The following HP1BP3 variants were observed in gnomAD, a reference collection of about 807,000 sequenced individuals.
The protein encoded by HP1BP3 is heterochromatin protein 1-binding protein 3.
HP1BP3 carries 12 observed loss-of-function variants against 62.5 expected under a neutral mutation model. That is an observed-to-expected ratio of 0.19 (90% CI 0.12 to 0.31). The LOEUF (loss-of-function observed/expected upper bound fraction) is 0.31, where lower values mean the gene tolerates loss of function less well. HP1BP3 is among the 10% of genes least tolerant of loss of function. HP1BP3 has a pLI of 1.00. For missense variants in HP1BP3, 502 were observed against 651.8 expected (o/e 0.77, Z 2.50); for synonymous variants, 260 against 237.8 (o/e 1.09, Z -0.86).
intron 6 of HP1BP3, among the ~76,000 whole-genome samples, chr1:20,770,403 C>A (rs2057003736): frequency 6.6e-6 from 1 of 152,150 alleles, no homozygotes; most frequent in Non-Finnish European, 1.5e-5. Context: ...ATAGCCTCAA[C>A]CTCCCAGGCT....
intron 11 of HP1BP3, among the ~76,000 whole-genome samples, chr1:20,746,119 G>A (rs1387646068): frequency 1.3e-5 from 2 of 151,562 alleles, no homozygotes; most frequent in Non-Finnish European, 2.9e-5. Context: ...ACTCTTTTTT[G>A]TCCTTGGTGG....
In HP1BP3 at chr1:20,746,186, A is replaced by ATATGTGTGTGTGTGTGTGTG. The variant is rs1286650893; in HGVS notation, c.1254-531_1254-530insCACACACACACACACACATA. 2.7e-3 allele frequency among the ~76,000 whole-genome samples: 385 copies of ATATGTGTGTGTGTGTGTGTG among 143,214 alleles called. 3 individuals are homozygous for ATATGTGTGTGTGTGTGTGTG. The highest frequency in any genetic ancestry group is 9.3e-3 in the African/African-American group (345 of 37,116). The allele number at this position is 143,214 out of a possible 152,430, so 94.0% of individuals were successfully genotyped here. On this transcript the variant is annotated intron_variant, in intron 11 of 12. Coordinates refer to ENST00000438032, the MANE Select transcript of HP1BP3 (RefSeq NM_001372052.1). ...CTTAAATGATAACATACATACATAT[A>ATATGTGTGTGTGTGTGTGTG]TGTGTGTGTGTGTGTGTGTGTGTGT...
At chr1:20,769,233 G>A (rs756845056) in intron 6 of HP1BP3, among the ~76,000 whole-genome samples, 12 of 152,112 alleles carry the variant, frequency 7.9e-5, no homozygotes, top group Admixed American at 7.9e-4. Context: ...GGGACTAGAG[G>A]CATGCACCCC....
chr1:20,754,233 A>G (rs932955642), intron 9 of HP1BP3, among the ~76,000 whole-genome samples: 3 of 152,248 alleles, frequency 2.0e-5, no homozygotes, highest in Admixed American at 6.5e-5. Context: ...AACGAAAATT[A>G]GAAAACACTT....
intron 1 of HP1BP3, among the ~76,000 whole-genome samples, chr1:20,783,662 C>T (rs749513088): frequency 2.0e-5 from 3 of 147,684 alleles, no homozygotes; most frequent in East Asian, 2.1e-4. Context: ...CCCAGCTACT[C>T]GGGAGGCTCA....
intron 1 of HP1BP3, 89 bp from the exon 2 acceptor site, chr1:20,780,629 A>G: frequency 1.8e-6 from 1 of 568,866 alleles, no homozygotes; most frequent in Admixed American, 3.0e-5. Flanking sequence ...AAAGGGAAAA[A>G]ATATAACTAT....
intron 4 of HP1BP3, chr1:20,776,078 A>G (rs2057294116): frequency 1.5e-6 from 2 of 1,313,938 alleles, no homozygotes; most frequent in Non-Finnish European, 2.0e-6. Flanking sequence ...ACACATCAAT[A>G]GCAAATTTTA....
intron 4 of HP1BP3, chr1:20,774,964 C>T (rs1321519144): frequency 1.3e-5 from 2 of 149,496 alleles, no homozygotes; most frequent in Non-Finnish European, 3.0e-5. Context: ...ACACTCCAAC[C>T]TGGGTGACAG....
At chr1:20,770,367 C>T (rs1446614525) in intron 6 of HP1BP3, among the ~76,000 whole-genome samples, 2 of 152,200 alleles carry the variant, frequency 1.3e-5, no homozygotes, top group African/African-American at 4.8e-5. Flanking sequence ...CTCACCGAGG[C>T]TGGAGTGGTG....
chr1:20,780,003 G>T, intron 2 of HP1BP3, 92 bp from the exon 3 acceptor site: 1 of 932,800 alleles, frequency 1.1e-6, no homozygotes, highest in Non-Finnish European at 1.6e-6. Context: ...AGATGTAGGA[G>T]AATTCTTCAA....
chr1:20,783,814 T>C (rs1452588697), intron 1 of HP1BP3, among the ~76,000 whole-genome samples: 3 of 149,680 alleles, frequency 2.0e-5, no homozygotes, highest in Admixed American at 6.6e-5. Flanking sequence ...GCCTCAGCTC[T>C]GCATTTCCTT....
At chr1:20,775,940 G>C in intron 4 of HP1BP3, 1 of 1,469,496 alleles carries the variant, frequency 6.8e-7, no homozygotes, top group Non-Finnish European at 9.0e-7. Flanking sequence ...CATGACTATA[G>C]TTAAAAGCAA....
intron 6 of HP1BP3, among the ~76,000 whole-genome samples, chr1:20,768,433 G>A (rs924947992): frequency 1.1e-4 from 16 of 152,102 alleles, no homozygotes; most frequent in Non-Finnish European, 2.1e-4. Flanking sequence ...GTGACAGAGC[G>A]ATACTCCGTC....
chr1:20,780,483 C>T lies in HP1BP3; in HGVS notation c.-43G>A. On this transcript the variant is annotated 5_prime_UTR_variant, in exon 2 of 13. Transcript: ENST00000438032. ...CCCGAGTACAGGTTACACTCTGAAG[C>T]CTCTGCTGTTAACCACAAGGATTTT... The T allele has an allele frequency of 7.3e-7, 1 of 1,369,860 alleles. No homozygotes were observed. Among genetic ancestry groups the T allele is most frequent in the Non-Finnish European group, 1.0e-6 (1 of 957,938 alleles). 84.9% of individuals were successfully genotyped at this position (1,369,860 alleles called of 1,614,324 possible).
chr1:20,771,262 C>T (rs559200309), intron 5 of HP1BP3, among the ~76,000 whole-genome samples, 189 bp from the exon 6 acceptor site: 5 of 152,292 alleles, frequency 3.3e-5, no homozygotes, highest in Admixed American at 6.5e-5. Flanking sequence ...ATTTCTACTA[C>T]AATTTTAAAT....
chr1:20,784,413 T>G (rs1468677721), intron 1 of HP1BP3, among the ~76,000 whole-genome samples: 3 of 151,924 alleles, frequency 2.0e-5, no homozygotes, highest in Non-Finnish European at 4.4e-5. Context: ...AGGCACAGAA[T>G]AGATGCTCAA....
chr1:20,747,788 G>C, intron 10 of HP1BP3, 133 bp from the exon 11 acceptor site: 1 of 610,734 alleles, frequency 1.6e-6, no homozygotes, highest in East Asian at 2.8e-5. Flanking sequence ...TGAATCCTAT[G>C]TGTTCAAAGG....
At chr1:20,747,243 G>T (rs1039745817) in intron 11 of HP1BP3, among the ~76,000 whole-genome samples, 2 of 151,750 alleles carry the variant, frequency 1.3e-5, no homozygotes, top group African/African-American at 4.8e-5. Context: ...GGTTGGCAAC[G>T]CATTAGCCCA....
chr1:20,766,429 T>C (rs1373503343), intron 7 of HP1BP3, among the ~76,000 whole-genome samples: 1 of 151,096 alleles, frequency 6.6e-6, no homozygotes, highest in East Asian at 1.9e-4. Context: ...GAAAAAAGGA[T>C]AAAAAGCTTC....
Sources: gnomAD v4.1 joint callset for allele counts (sites outside exome capture counted in the v4.1 genomes callset) on GRCh38, gnomAD v4.1.1 for gene constraint, MANE v1.5 for transcripts, NCBI Gene and HGNC (gene_info 2026-07-23, HGNC 2026-07-21) for gene names.